Variants in LYN observed in about 807,000 individuals in gnomAD.
The protein encoded by LYN is LYN proto-oncogene, Src family tyrosine kinase.
Under a neutral mutation model 65.0 loss-of-function variants are expected in LYN, and 12 were observed. That is an observed-to-expected ratio of 0.18 (90% CI 0.12 to 0.30). The LOEUF (loss-of-function observed/expected upper bound fraction) is 0.30, where lower values mean the gene tolerates loss of function less well. Among genes scored for constraint, LYN ranks in the 10% least tolerant of loss-of-function variants. The pLI is 1.00. For synonymous variants in LYN, 222 were observed against 221.2 expected, an observed-to-expected ratio of 1.00 and a Z score of -0.03; for missense variants, 380 against 623.2, an observed-to-expected ratio of 0.61 and a Z score of 4.16.
intron 2 of LYN, among the ~76,000 whole-genome samples, chr8:55,944,493 A>G (rs893225807): frequency 1.3e-5 from 2 of 152,046 alleles, no homozygotes; most frequent in Non-Finnish European, 2.9e-5. Context: ...TCATTTATTT[A>G]TTTTGAGGTG....
At chr8:55,979,289 G>A (rs1228631507) in intron 10 of LYN, among the ~76,000 whole-genome samples, 10 of 152,066 alleles carry the variant, frequency 6.6e-5, no homozygotes, top group South Asian at 2.1e-4. Context: ...TGATCCACCC[G>A]CCTCGGCCTC....
At chr8:55,958,516 G>A (rs900511241) in intron 8 of LYN, among the ~76,000 whole-genome samples, 2 of 151,798 alleles carry the variant, frequency 1.3e-5, no homozygotes, top group African/African-American at 4.8e-5. Context: ...ATGTTTAGGT[G>A]TACAGTTCAG....
chr8:55,939,360 T>G (rs1585619450), intron 1 of LYN, among the ~76,000 whole-genome samples: 1 of 152,194 alleles, frequency 6.6e-6, no homozygotes, highest in East Asian at 1.9e-4. Context: ...GGAAAGAAAT[T>G]AAGCATAAAT....
intron 1 of LYN, among the ~76,000 whole-genome samples, chr8:55,915,024 A>G (rs1805745183): frequency 6.6e-6 from 1 of 152,216 alleles, no homozygotes; most frequent in African/African-American, 2.4e-5. Flanking sequence ...TGGTTTTGTT[A>G]ATTAGATTAA....
intron 1 of LYN, among the ~76,000 whole-genome samples, chr8:55,929,491 A>G (rs1806199834): frequency 6.6e-6 from 1 of 152,214 alleles, no homozygotes; most frequent in Non-Finnish European, 1.5e-5. Context: ...AGGATATTAA[A>G]CTTAACATTC....
intron 8 of LYN, among the ~76,000 whole-genome samples, chr8:55,966,192 C>T (rs567831362): frequency 6.6e-6 from 1 of 152,196 alleles, no homozygotes; most frequent in South Asian, 2.1e-4. Flanking sequence ...GCTACTATTT[C>T]ATAGAAACCT....
chr8:55,941,922 T>C lies in LYN; in HGVS notation c.63T>C (p.Thr21=), dbSNP rs780743901. The C allele has an allele frequency of 6.2e-7, 1 of 1,612,736 alleles. No individual in the cohort carries two copies. Among genetic ancestry groups the C allele is most frequent in the Admixed American group, 1.7e-5 (1 of 60,016 alleles). The change falls in exon 2 of 13, where the codon ACT becomes ACC. Residue 21 remains threonine (T), a synonymous_variant. Transcript: ENST00000519728. ...GTGACGATGGAGTAGATTTGAAGACTCAACCAGTACGTAATACTGAAAGAA... is the reference window on the plus strand; with the variant it reads ...GTGACGATGGAGTAGATTTGAAGACCCAACCAGTACGTAATACTGAAAGAA... ...SLSDDGVDLK[T]QPVRNTERTI...
chr8:56,013,081 C>T lies in LYN; in HGVS notation c.*2971C>T, dbSNP rs906955853. On this transcript the variant is annotated 3_prime_UTR_variant, in exon 13 of 13. Transcript: ENST00000519728. ...TGGGAACGTGTACTGTCCAAGCCCC[C>T]TTCTAGGGGAAATTCACTGCCACAG... 6.6e-6 allele frequency: 1 copy of T among 152,270 alleles called. No homozygotes were observed. Among genetic ancestry groups the T allele is most frequent in the Non-Finnish European group, 1.5e-5 (1 of 68,088 alleles). 9.4% of individuals were successfully genotyped at this position (152,270 alleles called of 1,614,324 possible).
intron 1 of LYN, among the ~76,000 whole-genome samples, chr8:55,911,841 G>T (rs954037844): frequency 1.3e-5 from 2 of 152,148 alleles, no homozygotes; most frequent in African/African-American, 4.8e-5. Flanking sequence ...TTCAGCACCT[G>T]GTGCCCTTTA....
At chr8:55,950,655 C>G in intron 5 of LYN, 26 bp from the exon 6 acceptor site, 1 of 1,583,882 alleles carries the variant, frequency 6.3e-7, no homozygotes, top group Non-Finnish European at 8.7e-7. Flanking sequence ...ACATAATATG[C>G]AGGAAATGTT....
chr8:55,909,042 CACACACACA>C (rs1563504944), intron 1 of LYN, among the ~76,000 whole-genome samples: 4,894 of 79,924 alleles, frequency 0.061, 638 homozygotes, highest in Non-Finnish European at 0.076. Context: ...CACACACACA[CACACACACA>C]CCCCACATTT....
At chr8:55,957,900 A>C (rs1402975436) in intron 8 of LYN, among the ~76,000 whole-genome samples, 1 of 152,136 alleles carries the variant, frequency 6.6e-6, no homozygotes, top group Non-Finnish European at 1.5e-5. Context: ...GTGAGCTGAG[A>C]TTGCGCCGCT....
intron 7 of LYN, among the ~76,000 whole-genome samples, chr8:55,952,798 G>A (rs1221174114): frequency 2.6e-5 from 4 of 152,204 alleles, no homozygotes; most frequent in Admixed American, 6.5e-5. Context: ...GTGTGTGTGT[G>A]TAAAAGTAAT....
At chr8:55,993,228 T>A (rs2130573914) in intron 10 of LYN, among the ~76,000 whole-genome samples, 1 of 152,292 alleles carries the variant, frequency 6.6e-6, no homozygotes, top group East Asian at 1.9e-4. Flanking sequence ...TGAGAAACAA[T>A]GTTCTAGACA....
chr8:55,907,041 CTACA>C (rs1805447814), intron 1 of LYN, among the ~76,000 whole-genome samples: 1 of 152,172 alleles, frequency 6.6e-6, no homozygotes, highest in Admixed American at 6.5e-5. Flanking sequence ...CTTAGAAAAT[CTACA>C]TACATCTACC....
chr8:55,899,272 C>A (rs1204985847), intron 1 of LYN, among the ~76,000 whole-genome samples: 1 of 152,074 alleles, frequency 6.6e-6, no homozygotes, highest in Non-Finnish European at 1.5e-5. Context: ...GATAAGGAAA[C>A]AGATGCTTGG....
chr8:55,987,757 T>G (rs954687445), intron 10 of LYN, among the ~76,000 whole-genome samples: 1 of 152,202 alleles, frequency 6.6e-6, no homozygotes, highest in African/African-American at 2.4e-5. Context: ...TGTGGATGAA[T>G]GCTTAAGAGC....
chr8:55,912,367 A>C (rs898687920), intron 1 of LYN, among the ~76,000 whole-genome samples: 1 of 152,204 alleles, frequency 6.6e-6, no homozygotes, highest in African/African-American at 2.4e-5. Flanking sequence ...CCTTTATAAA[A>C]TCTAACGTTA....
intron 10 of LYN, among the ~76,000 whole-genome samples, chr8:55,989,661 G>T (rs533871246): frequency 6.6e-6 from 1 of 152,026 alleles, no homozygotes; most frequent in Non-Finnish European, 1.5e-5. Context: ...TAAAACTTTG[G>T]TCTCATTTAA....
Sources: gnomAD v4.1 joint callset for allele counts (sites outside exome capture counted in the v4.1 genomes callset) on GRCh38, gnomAD v4.1.1 for gene constraint, MANE v1.5 for transcripts, NCBI Gene and HGNC (gene_info 2026-07-23, HGNC 2026-07-21) for gene names.